ASIC2: variants seen among roughly 807,000 people sequenced by gnomAD.
ASIC2 encodes acid sensing ion channel subunit 2.
ASIC2 carries 25 observed loss-of-function variants against 57.3 expected under a neutral mutation model. That is an observed-to-expected ratio of 0.44 (90% CI 0.32 to 0.61). The LOEUF is 0.61. Among genes scored for constraint, ASIC2 ranks in the 20% least tolerant of loss-of-function variants. The pLI, the probability that ASIC2 is intolerant of heterozygous loss-of-function variation, is 0.06. For synonymous variants in ASIC2, 319 were observed against 307.5 expected (o/e 1.04, Z -0.39); for missense variants, 641 against 738.1 (o/e 0.87, Z 1.52).
chr17:33,072,285 G>A (rs1598263118), intron 3 of ASIC2, among the ~76,000 whole-genome samples: 1 of 152,146 alleles, frequency 6.6e-6, no homozygotes, highest in Non-Finnish European at 1.5e-5. Context: ...AATATTCAAT[G>A]TCTTGAATAA....
intron 1 of ASIC2, among the ~76,000 whole-genome samples, chr17:33,165,466 T>C (rs1411590829): frequency 1.3e-5 from 2 of 152,130 alleles, no homozygotes; most frequent in Non-Finnish European, 2.9e-5. Context: ...TGTGTGTGTG[T>C]GTGCGTGCAT....
chr17:34,131,952 T>A (rs1911983094), intron 1 of ASIC2, among the ~76,000 whole-genome samples: 1 of 152,166 alleles, frequency 6.6e-6, no homozygotes, highest in South Asian at 2.1e-4. Context: ...CTTGGGGCAG[T>A]GGGACGGGGA....
intron 1 of ASIC2, among the ~76,000 whole-genome samples, chr17:33,646,213 C>T (rs1597819999): frequency 6.6e-6 from 1 of 152,210 alleles, no homozygotes; most frequent in Non-Finnish European, 1.5e-5. Flanking sequence ...GAAATTTTAG[C>T]AGCCATGGTG....
chr17:33,397,212 G>A (rs1910109525), intron 1 of ASIC2, among the ~76,000 whole-genome samples: 1 of 152,172 alleles, frequency 6.6e-6, no homozygotes, highest in Admixed American at 6.5e-5. Flanking sequence ...GTTCAGAGGG[G>A]ACTCCCAACC....
At chr17:33,712,791 G>A (rs7220287) in intron 1 of ASIC2, among the ~76,000 whole-genome samples, 19,511 of 149,428 alleles carry the variant, frequency 0.13, 1,335 homozygotes, top group African/African-American at 0.16. Flanking sequence ...GACTACAGGC[G>A]CCCGCCACTA....
intron 1 of ASIC2, among the ~76,000 whole-genome samples, chr17:33,777,608 G>A (rs1911324567): frequency 6.6e-6 from 1 of 152,130 alleles, no homozygotes; most frequent in East Asian, 1.9e-4. Flanking sequence ...TGCACAGAGA[G>A]GTTTGACAAA....
At chr17:34,040,142 A>G (rs866025142) in intron 1 of ASIC2, among the ~76,000 whole-genome samples, 4,177 of 60,358 alleles carry the variant, frequency 0.069, 995 homozygotes, top group African/African-American at 0.34. Flanking sequence ...CCGGGCGGCC[A>G]CGGGACCGGC....
intron 1 of ASIC2, among the ~76,000 whole-genome samples, chr17:33,213,129 G>C (rs1907341806): frequency 6.6e-6 from 1 of 152,234 alleles, no homozygotes; most frequent in South Asian, 2.1e-4. Context: ...CAGGTCTTGA[G>C]GCTCCTTGTG....
intron 7 of ASIC2, among the ~76,000 whole-genome samples, chr17:33,019,817 C>G (rs1251824779): frequency 6.9e-6 from 1 of 143,898 alleles, no homozygotes; most frequent in Admixed American, 6.8e-5. Flanking sequence ...CTCTCTCTCT[C>G]TGTGAAAGAG....
At chr17:33,595,335 T>C (rs1424027945) in intron 1 of ASIC2, among the ~76,000 whole-genome samples, 3 of 152,238 alleles carry the variant, frequency 2.0e-5, no homozygotes, top group African/African-American at 4.8e-5. Context: ...TTATTAGGTC[T>C]GGAGTAAGTG....
intron 1 of ASIC2, among the ~76,000 whole-genome samples, chr17:33,490,040 T>A (rs1466118865): frequency 6.6e-6 from 1 of 152,252 alleles, no homozygotes; most frequent in East Asian, 1.9e-4. Context: ...AATAGACAAT[T>A]TTGTGTTTTG....
chr17:34,042,853 C>T (rs1908189768), intron 1 of ASIC2, among the ~76,000 whole-genome samples: 1 of 152,100 alleles, frequency 6.6e-6, no homozygotes, highest in Admixed American at 6.6e-5. Context: ...TTTACAACAG[C>T]TTTATTCATA....
Position 33,292,270 on chromosome 17 carries a change from T to C in ASIC2, c.-155A>G, listed in dbSNP as rs1453235295. The C allele has an allele frequency of 5.1e-6, 5 of 986,296 alleles. No homozygotes were observed. The highest frequency in any genetic ancestry group is 6.0e-6 in the Non-Finnish European group (5 of 832,594). 61.1% of individuals were successfully genotyped at this position (986,296 alleles called of 1,614,324 possible). On this transcript the variant is annotated 5_prime_UTR_variant, in exon 1 of 10. It removes an upstream start codon present in the reference 5' UTR. Coordinates refer to ENST00000225823, the MANE Select transcript of ASIC2 (RefSeq NM_183377.2). ...CGAAAGGAGCTCCGGTGGCGCGGCA[T>C]GCCCGCCCGGCGCCGCCGCTGCCGC...
In ASIC2 at chr17:33,928,779, A is replaced by C. The variant is rs191187935; in HGVS notation, c.555+227199T>G. 1.4e-4 allele frequency among the ~76,000 whole-genome samples: 22 copies of C among 152,244 alleles called. No individual in the cohort carries two copies. The East Asian group carries it at 4.3e-3, about 29-fold the overall frequency. ...GCAGGAAAATGGAGCAGATCCACAG[A>C]TGGAGGAGGGGATGTCAGGGGAGAG... On this transcript the variant is annotated intron_variant, in intron 1 of 9. Coordinates refer to the ASIC2 transcript ENST00000359872.
chr17:33,046,147 T>C (rs7208844), intron 3 of ASIC2, among the ~76,000 whole-genome samples: 81 of 152,294 alleles, frequency 5.3e-4, no homozygotes, highest in African/African-American at 1.8e-3. Flanking sequence ...CCCCTTAACA[T>C]AGATTACACA....
chr17:33,138,014 ACTT>A, intron 1 of ASIC2, among the ~76,000 whole-genome samples: 2 of 152,232 alleles, frequency 1.3e-5, no homozygotes, highest in Middle Eastern at 6.8e-3. Flanking sequence ...AACATCTGTC[ACTT>A]GATGTACCTT....
chr17:33,311,698 T>A (rs1490833099), intron 1 of ASIC2, among the ~76,000 whole-genome samples: 2 of 152,140 alleles, frequency 1.3e-5, no homozygotes, highest in Non-Finnish European at 2.9e-5. Context: ...GGGTGGCAGG[T>A]ATCCCAGAAG....
chr17:33,530,453 T>C (rs1479062656), intron 1 of ASIC2, among the ~76,000 whole-genome samples: 1 of 152,260 alleles, frequency 6.6e-6, no homozygotes, highest in East Asian at 1.9e-4. Context: ...TCTTGGCAGA[T>C]GGCAGCAAGG....
intron 1 of ASIC2, among the ~76,000 whole-genome samples, chr17:33,562,527 G>A (rs6505355): frequency 0.096 from 14,534 of 152,170 alleles, 1,797 homozygotes; most frequent in African/African-American, 0.29. Flanking sequence ...AGTGTAGGAC[G>A]TGACATGCTA....
Sources: allele counts gnomAD v4.1 joint callset (sites outside exome capture counted in the v4.1 genomes callset), GRCh38; gene constraint gnomAD v4.1.1; transcripts MANE v1.5; gene names NCBI Gene and HGNC (gene_info 2026-07-23, HGNC 2026-07-21).